The following FILIP1L variants were observed in gnomAD, a reference collection of about 807,000 sequenced individuals.
The protein encoded by FILIP1L is filamin A interacting protein 1 like, also known as filamin A-interacting protein 1-like.
FILIP1L carries 55 observed loss-of-function variants against 96.6 expected under a neutral mutation model. That is an observed-to-expected ratio of 0.57 (90% confidence interval 0.46 to 0.71). The LOEUF (loss-of-function observed/expected upper bound fraction) is 0.71. Ranked by LOEUF, FILIP1L falls within the 30% of genes least tolerant of loss-of-function variation. FILIP1L has a pLI of 0.00. For missense variants in FILIP1L, 1,304 were observed against 1,321.2 expected (o/e 0.99, Z 0.20); for synonymous variants, 467 against 473.9 (o/e 0.99, Z 0.19).
rs1401457072 is a variant in FILIP1L at position 99,849,161 on chromosome 3, T to C, written c.2515A>G (p.Asn839Asp). The change falls in exon 5 of 6, where the codon AAT becomes GAT. Residue 839 changes from asparagine (N) to aspartate (D), a missense_variant. Transcript: ENST00000477258. ...EESENQDEDP[N>D]DEGSVLSFKC... ...AAGGACAGCACAGATCCCTCATCAT[T>C]AGGGTCCTCGTCTTGATTCTCACTC... is the stretch of plus-strand genomic sequence containing the variant. 1 of 1,614,040 alleles carries C rather than the reference T, an allele frequency of 6.2e-7. No homozygotes were observed. The highest frequency in any genetic ancestry group is 1.1e-5 in the South Asian group (1 of 91,082).
At chr3:99,901,962 T>C (rs1706452484) in intron 4 of FILIP1L, among the ~76,000 whole-genome samples, 1 of 152,156 alleles carries the variant, frequency 6.6e-6, no homozygotes, top group African/African-American at 2.4e-5. Flanking sequence ...ATGATGCCAA[T>C]AAACAAAACA....
chr3:100,090,039 T>G (rs1172344865), intron 1 of FILIP1L, among the ~76,000 whole-genome samples: 1 of 152,220 alleles, frequency 6.6e-6, no homozygotes, highest in Non-Finnish European at 1.5e-5. Flanking sequence ...TAGGAGTGCG[T>G]GGAGCCACAG....
At chr3:100,069,973 C>T (rs1043415060) in intron 1 of FILIP1L, among the ~76,000 whole-genome samples, 2 of 151,930 alleles carry the variant, frequency 1.3e-5, no homozygotes, top group African/African-American at 4.8e-5. Context: ...TATTTTTCTC[C>T]TTTTTTTTCC....
At chr3:99,967,133 C>T (rs1247392493) in intron 1 of FILIP1L, among the ~76,000 whole-genome samples, 15 of 152,186 alleles carry the variant, frequency 9.9e-5, no homozygotes, top group Admixed American at 9.8e-4. Context: ...TTCTGAAAAG[C>T]TTGGATTAGG....
chr3:100,098,769 G>A (rs542841743), intron 1 of FILIP1L, among the ~76,000 whole-genome samples: 1 of 152,108 alleles, frequency 6.6e-6, no homozygotes, highest in Non-Finnish European at 1.5e-5. Context: ...CAAACCATTA[G>A]CAAGGATCTG....
intron 1 of FILIP1L, among the ~76,000 whole-genome samples, chr3:99,965,248 A>G (rs1254770578): frequency 1.3e-5 from 2 of 152,178 alleles, no homozygotes; most frequent in African/African-American, 4.8e-5. Flanking sequence ...TTTGAGTCCA[A>G]GTGGTTTATG....
In FILIP1L at chr3:99,850,050, T is replaced by C; in HGVS notation, c.1626A>G (p.Glu542=). 9 of 1,611,446 alleles carry C rather than the reference T, an allele frequency of 5.6e-6. No individual in the cohort carries two copies. Among genetic ancestry groups the C allele is most frequent in the Non-Finnish European group, 7.6e-6 (9 of 1,179,368 alleles). Reference sequence around the variant, plus strand: ...TTTTGGACTTGAGCGCCCTTTTAGTTTCCTCAATTAACTTCTCAGTAACTG... The same window carrying C: ...TTTTGGACTTGAGCGCCCTTTTAGTCTCCTCAATTAACTTCTCAGTAACTG... ...VTTVTEKLIE[E]TKRALKSKTD... is the part of the protein sequence containing the mutation. Residue 542 remains glutamate, a synonymous_variant, in exon 5 of 6, where the codon GAA becomes GAG. Transcript: ENST00000477258.
intron 1 of FILIP1L, among the ~76,000 whole-genome samples, chr3:99,978,991 C>G (rs1709046745): frequency 1.3e-5 from 2 of 152,018 alleles, no homozygotes; most frequent in Admixed American, 1.3e-4. Flanking sequence ...AAAATTACGG[C>G]TAGATAAAAG....
At chr3:99,883,522 T>A (rs937507718) in intron 4 of FILIP1L, among the ~76,000 whole-genome samples, 7 of 152,164 alleles carry the variant, frequency 4.6e-5, no homozygotes, top group African/African-American at 1.7e-4. Context: ...ATGTGTGTGT[T>A]GGCTGGGGGG....
chr3:99,916,664 T>C (rs922851878), intron 4 of FILIP1L, among the ~76,000 whole-genome samples: 4 of 152,172 alleles, frequency 2.6e-5, no homozygotes, highest in Admixed American at 1.3e-4. Context: ...CAAGATTAAA[T>C]GCTTTGCCCA....
chr3:99,991,891 TGTGTGTATATATATAC>T (rs947552613), intron 1 of FILIP1L, among the ~76,000 whole-genome samples: 5 of 149,990 alleles, frequency 3.3e-5, no homozygotes, highest in African/African-American at 9.8e-5. Context: ...TATGTATATA[TGTGTGTATATATATAC>T]ATATATAGGT....
At chr3:99,842,606 G>C (rs548380789) in intron 5 of FILIP1L, among the ~76,000 whole-genome samples, 1 of 151,548 alleles carries the variant, frequency 6.6e-6, no homozygotes, top group Non-Finnish European at 1.5e-5. Flanking sequence ...AAGAAAACTA[G>C]TTTCAGTTTT....
intron 4 of FILIP1L, among the ~76,000 whole-genome samples, chr3:99,875,882 G>T (rs1050738049): frequency 1.3e-5 from 2 of 152,204 alleles, no homozygotes; most frequent in Non-Finnish European, 2.9e-5. Flanking sequence ...CTCCTCCAGA[G>T]AAAACTTCTA....
At chr3:99,932,054 C>T (rs1707498587) in intron 1 of FILIP1L, among the ~76,000 whole-genome samples, 1 of 152,126 alleles carries the variant, frequency 6.6e-6, no homozygotes, top group African/African-American at 2.4e-5. Context: ...GAAACCATAA[C>T]AAACTGCTAT....
chr3:99,962,626 T>TAAC (rs917714874), intron 1 of FILIP1L, among the ~76,000 whole-genome samples: 2 of 152,244 alleles, frequency 1.3e-5, no homozygotes, highest in East Asian at 3.9e-4. Context: ...TAATTAATAA[T>TAAC]AACAACAACA....
At chr3:100,096,713 G>A (rs2066215922) in intron 1 of FILIP1L, among the ~76,000 whole-genome samples, 1 of 151,794 alleles carries the variant, frequency 6.6e-6, no homozygotes, top group South Asian at 2.1e-4. Context: ...GCACAACAGA[G>A]TGACTACAGT....
chr3:99,914,703 T>C (rs1706897848), intron 4 of FILIP1L, among the ~76,000 whole-genome samples: 1 of 152,226 alleles, frequency 6.6e-6, no homozygotes, highest in African/African-American at 2.4e-5. Flanking sequence ...GACTTAGCAA[T>C]TTCACATATA....
intron 1 of FILIP1L, among the ~76,000 whole-genome samples, chr3:100,091,242 G>A (rs1422054160): frequency 1.4e-5 from 2 of 145,174 alleles, no homozygotes; most frequent in East Asian, 2.0e-4. Flanking sequence ...CCGAGATTGC[G>A]CCACTGCACT....
chr3:99,965,475 G>A (rs536625535), intron 1 of FILIP1L, among the ~76,000 whole-genome samples: 5 of 152,188 alleles, frequency 3.3e-5, no homozygotes, highest in East Asian at 1.9e-4. Flanking sequence ...TTGGAATTGA[G>A]ATAAATGTTA....
Sources: gnomAD v4.1 joint callset for allele counts (sites outside exome capture counted in the v4.1 genomes callset) on GRCh38, gnomAD v4.1.1 for gene constraint, MANE v1.5 for transcripts, NCBI Gene and HGNC (gene_info 2026-07-23, HGNC 2026-07-21) for gene names.